The following ATP6V0D2 variants were observed in gnomAD, a reference collection of about 807,000 sequenced individuals.
ATP6V0D2 encodes V-type proton ATPase subunit d 2.
Under a neutral mutation model 40.0 loss-of-function variants are expected in ATP6V0D2, and 40 were observed. That is an observed-to-expected ratio of 1.00 (90% CI 0.78 to 1.30). The LOEUF (loss-of-function observed/expected upper bound fraction) is 1.30, where lower values mean the gene tolerates loss of function less well. ATP6V0D2 is among the 50% of genes most tolerant of loss of function. The pLI, the probability that ATP6V0D2 is intolerant of heterozygous loss-of-function variation, is 0.00. For synonymous variants in ATP6V0D2, 179 were observed against 156.3 expected (o/e 1.15, Z -1.08); for missense variants, 470 against 423.1 (o/e 1.11, Z -0.97).
chr8:86,140,456 G>A (rs999869181), intron 3 of ATP6V0D2, among the ~76,000 whole-genome samples: 7 of 152,198 alleles, frequency 4.6e-5, no homozygotes, highest in African/African-American at 1.4e-4. Context: ...TCCCAGCAAG[G>A]TGACTAGGAG....
chr8:86,101,639 CAGTT>C (rs1466565359), intron 1 of ATP6V0D2, among the ~76,000 whole-genome samples: 3 of 152,028 alleles, frequency 2.0e-5, no homozygotes, highest in East Asian at 1.9e-4. Flanking sequence ...TCTACATAGA[CAGTT>C]AGCTGAATCT....
intron 2 of ATP6V0D2, among the ~76,000 whole-genome samples, chr8:86,136,412 A>G (rs2626330): frequency 0.85 from 129,042 of 152,016 alleles, 54,917 homozygotes; most frequent in African/African-American, 0.88. Context: ...ATTGCAGGGG[A>G]GGTTGTGGGG....
chr8:86,120,714 C>T (rs528603464), intron 2 of ATP6V0D2, among the ~76,000 whole-genome samples: 11 of 152,256 alleles, frequency 7.2e-5, no homozygotes, highest in African/African-American at 2.4e-4. Context: ...CCCTGCAAAA[C>T]AGGTGTTTAT....
chr8:86,139,602 C>A lies in ATP6V0D2; in HGVS notation c.448C>A (p.Leu150Ile). Residue 150 changes from leucine to isoleucine, a missense_variant, in exon 3 of 8, where the codon CTC becomes ATC. Leu to Ile is a conservative substitution (Grantham distance 5). Coordinates refer to ENST00000285393, the MANE Select transcript of ATP6V0D2 (RefSeq NM_152565.1). Reference protein sequence around the residue: ...AVNIAETPSDLFNAILIETPL... With the variant: ...AVNIAETPSDIFNAILIETPL... The stretch of plus-strand genomic sequence containing the variant: ...CAACATTGCAGAGACACCTTCAGAT[C>A]TCTTTAATGCCATTCTGATCGAAAC... 1.2e-6 allele frequency: 2 copies of A among 1,610,442 alleles called. No homozygotes were observed. The highest frequency in any genetic ancestry group is 1.7e-6 in the Non-Finnish European group (2 of 1,178,784).
chr8:86,140,968 T>G (rs977247507), intron 3 of ATP6V0D2, among the ~76,000 whole-genome samples: 3 of 152,280 alleles, frequency 2.0e-5, no homozygotes, highest in Non-Finnish European at 4.4e-5. Context: ...TGGGAGACAG[T>G]GACAGATCAT....
At chr8:86,123,887 T>C (rs1818705817) in intron 2 of ATP6V0D2, among the ~76,000 whole-genome samples, 1 of 152,146 alleles carries the variant, frequency 6.6e-6, no homozygotes, top group Non-Finnish European at 1.5e-5. Flanking sequence ...CTCTGTATAT[T>C]ATCAGCATTT....
chr8:86,129,781 C>A (rs1477180262), intron 2 of ATP6V0D2, among the ~76,000 whole-genome samples: 1 of 149,070 alleles, frequency 6.7e-6, no homozygotes, highest in African/African-American at 2.5e-5. Flanking sequence ...CCAGCCTGGG[C>A]AACAGAGTCA....
chr8:86,132,892 G>C (rs1563562342), intron 2 of ATP6V0D2, among the ~76,000 whole-genome samples: 2 of 151,992 alleles, frequency 1.3e-5, no homozygotes, highest in Non-Finnish European at 2.9e-5. Context: ...AGTTTTTTGA[G>C]GTATCTTCCT....
At chr8:86,134,679 C>A (rs1818874449) in intron 2 of ATP6V0D2, among the ~76,000 whole-genome samples, 1 of 152,070 alleles carries the variant, frequency 6.6e-6, no homozygotes, top group African/African-American at 2.4e-5. Flanking sequence ...GGCATTTATC[C>A]AAGAATAATA....
intron 2 of ATP6V0D2, among the ~76,000 whole-genome samples, chr8:86,120,577 AT>A (rs1304957683): frequency 2.6e-5 from 4 of 152,062 alleles, no homozygotes; most frequent in Non-Finnish European, 4.4e-5. Context: ...AATTAAAAAA[AT>A]TTTTTGTCAA....
At chr8:86,149,867 A>C (rs73691707) in intron 5 of ATP6V0D2, among the ~76,000 whole-genome samples, 2,292 of 152,160 alleles carry the variant, frequency 0.015, 73 homozygotes, top group African/African-American at 0.052. Context: ...CCGGGAAATA[A>C]ATCTTACTGG....
At chr8:86,140,507 G>T (rs578076735) in intron 3 of ATP6V0D2, among the ~76,000 whole-genome samples, 2 of 151,992 alleles carry the variant, frequency 1.3e-5, no homozygotes, top group Non-Finnish European at 2.9e-5. Flanking sequence ...GGAAATAATC[G>T]TATCTTTTTA....
chr8:86,126,261 T>TATATATATATATATATATATA (rs1444542601), intron 2 of ATP6V0D2, among the ~76,000 whole-genome samples: 1 of 139,338 alleles, frequency 7.2e-6, no homozygotes, highest in African/African-American at 2.6e-5. Flanking sequence ...TATATATATA[T>TATATATATATATATATATATA]ATCTTTTTGT....
chr8:86,098,941 A>G lies in ATP6V0D2; in HGVS notation c.-38A>G, dbSNP rs757150272. The G allele has an allele frequency of 1.9e-6, 3 of 1,606,924 alleles. No homozygotes were observed. The highest frequency in any genetic ancestry group is 2.5e-6 in the Non-Finnish European group (3 of 1,176,928). ...CTTCAGGGGCCGTCCAGGACTACAG[A>G]GCTGTTTCACCCTACCTTGGCTTCA... On this transcript the variant is annotated 5_prime_UTR_variant, in exon 1 of 8. Coordinates refer to ENST00000285393, the MANE Select transcript of ATP6V0D2 (RefSeq NM_152565.1).
chr8:86,145,349 A>G (rs147204155), intron 5 of ATP6V0D2, among the ~76,000 whole-genome samples: 7,779 of 83,290 alleles, frequency 0.093, 1,422 homozygotes, highest in African/African-American at 0.33. Flanking sequence ...AAAGAAGGAA[A>G]GAAGGAAGGA....
chr8:86,131,450 T>C (rs2721263), intron 2 of ATP6V0D2, among the ~76,000 whole-genome samples: 124,047 of 152,020 alleles, frequency 0.82, 50,787 homozygotes, highest in Middle Eastern at 0.88. Flanking sequence ...CTGCCCGCCT[T>C]AGCCTCCCAA....
In ATP6V0D2 at chr8:86,141,439, T is replaced by A; in HGVS notation, c.482-11T>A. ...AGATTCATTTTTTGGTATGGCAATT[T>A]CTGCTTTCAGCTCCATTCTTCCAAG... is the stretch of plus-strand genomic sequence containing the variant. On this transcript the variant is annotated splice_polypyrimidine_tract_variant and intron_variant, in intron 3 of 7. Coordinates refer to ENST00000285393, the MANE Select transcript of ATP6V0D2 (RefSeq NM_152565.1). The A allele has an allele frequency of 1.2e-6, 2 of 1,606,404 alleles. No homozygotes were observed. Among genetic ancestry groups the A allele is most frequent in the East Asian group, 4.5e-5 (2 of 44,780 alleles).
At chr8:86,130,291 A>C (rs1818805357) in intron 2 of ATP6V0D2, among the ~76,000 whole-genome samples, 2 of 152,296 alleles carry the variant, frequency 1.3e-5, no homozygotes, top group Admixed American at 6.5e-5. Flanking sequence ...AGGAAATAAC[A>C]CAGTATGGAC....
chr8:86,145,186 G>GA (rs1187452683), intron 5 of ATP6V0D2, among the ~76,000 whole-genome samples: 1 of 13,360 alleles, frequency 7.5e-5, no homozygotes, highest in Non-Finnish European at 1.6e-4. Context: ...AAGAGAGAAA[G>GA]AAAGAAAGAA....
Sources: allele counts gnomAD v4.1 joint callset (sites outside exome capture counted in the v4.1 genomes callset), GRCh38; gene constraint gnomAD v4.1.1; transcripts MANE v1.5; gene names NCBI Gene and HGNC (gene_info 2026-07-23, HGNC 2026-07-21).